THEMIS: variants seen among roughly 807,000 people sequenced by gnomAD.
The protein encoded by THEMIS is protein THEMIS.
Under a neutral mutation model 52.6 loss-of-function variants are expected in THEMIS, and 37 were observed. The observed-to-expected ratio is 0.70, with a 90% CI of 0.54 to 0.93. The LOEUF is 0.93. Among genes scored for constraint, THEMIS ranks in the 40% least tolerant of loss-of-function variants. The probability of loss-of-function intolerance (pLI) is 0.00; values close to 1 mark genes in which losing one functional copy is unlikely to be tolerated. For synonymous variants in THEMIS, 292 were observed against 272.7 expected (o/e 1.07, Z -0.70); for missense variants, 808 against 763.1 (o/e 1.06, Z -0.69).
At chr6:127,793,415 G>C (rs1562261412) in intron 4 of THEMIS, among the ~76,000 whole-genome samples, 1 of 152,194 alleles carries the variant, frequency 6.6e-6, no homozygotes, top group Non-Finnish European at 1.5e-5. Context: ...ATTCTGAACA[G>C]AGGCAGTTCC....
At chr6:127,907,336 G>GTTTTT (rs1444629822) in intron 1 of THEMIS, among the ~76,000 whole-genome samples, 4 of 28,614 alleles carry the variant, frequency 1.4e-4, no homozygotes, top group East Asian at 2.0e-3. Flanking sequence ...ATTAGGCTCG[G>GTTTTT]ATTTTTTTTT....
At chr6:127,906,906 T>C (rs1014411670) in intron 1 of THEMIS, among the ~76,000 whole-genome samples, 7 of 151,786 alleles carry the variant, frequency 4.6e-5, no homozygotes, top group East Asian at 1.9e-4. Flanking sequence ...AGATTCTCTA[T>C]AGCTGCTTTC....
At chr6:127,881,831 C>T (rs184768158) in intron 1 of THEMIS, among the ~76,000 whole-genome samples, 1 of 151,866 alleles carries the variant, frequency 6.6e-6, no homozygotes, top group East Asian at 1.9e-4. Context: ...ATGCACTAAA[C>T]TTTTAAACTT....
At chr6:127,771,277 T>C (rs375337092) in intron 4 of THEMIS, among the ~76,000 whole-genome samples, 4 of 152,048 alleles carry the variant, frequency 2.6e-5, no homozygotes, top group African/African-American at 4.8e-5. Flanking sequence ...CACAAACAAA[T>C]GGAAGAACAT....
chr6:127,908,944 T>C (rs1781344737), intron 1 of THEMIS, among the ~76,000 whole-genome samples: 1 of 151,998 alleles, frequency 6.6e-6, no homozygotes, highest in Non-Finnish European at 1.5e-5. Flanking sequence ...TTAAAACATT[T>C]AAAATAGTTA....
At chr6:127,766,892 G>A (rs75970629) in intron 4 of THEMIS, among the ~76,000 whole-genome samples, 2,622 of 152,114 alleles carry the variant, frequency 0.017, 83 homozygotes, top group African/African-American at 0.06. Context: ...GGACATTACC[G>A]TATTCTACTG....
At chr6:127,750,509 G>A (rs1775603470) in intron 4 of THEMIS, among the ~76,000 whole-genome samples, 1 of 151,740 alleles carries the variant, frequency 6.6e-6, no homozygotes, top group African/African-American at 2.4e-5. Context: ...TTGAAGCCAG[G>A]AAGTCAATGC....
At chr6:127,862,428 A>AGTTTTTTTTTTTTTTTTTTT (rs1779833769) in intron 1 of THEMIS, among the ~76,000 whole-genome samples, 1 of 72,808 alleles carries the variant, frequency 1.4e-5, no homozygotes, top group Admixed American at 1.7e-4. Context: ...TAGGGAGTAA[A>AGTTTTTTTTTTTTTTTTTTT]TTTTTTTTTT....
intron 1 of THEMIS, among the ~76,000 whole-genome samples, chr6:127,899,553 A>G (rs1387258221): frequency 6.6e-6 from 1 of 152,000 alleles, no homozygotes; most frequent in East Asian, 1.9e-4. Flanking sequence ...TGAACTGTAT[A>G]GAGAAAACTA....
At chr6:127,755,162 G>A (rs1775779713) in intron 4 of THEMIS, among the ~76,000 whole-genome samples, 1 of 152,104 alleles carries the variant, frequency 6.6e-6, no homozygotes, top group Admixed American at 6.6e-5. Context: ...ATAATATAAT[G>A]CTCTTGCACT....
At chr6:127,803,431 A>G (rs1777601566) in intron 4 of THEMIS, among the ~76,000 whole-genome samples, 1 of 152,084 alleles carries the variant, frequency 6.6e-6, no homozygotes, top group Non-Finnish European at 1.5e-5. Context: ...GCTTATTATT[A>G]AAGTGTTCAT....
At chr6:127,732,101 C>G (rs1774830671) in intron 4 of THEMIS, among the ~76,000 whole-genome samples, 1 of 150,856 alleles carries the variant, frequency 6.6e-6, no homozygotes, top group Non-Finnish European at 1.5e-5. Flanking sequence ...TTATACAGTG[C>G]TGAAAAACTA....
the THEMIS span, among the ~76,000 whole-genome samples, chr6:127,701,619 A>G: frequency 2.0e-5 from 3 of 152,164 alleles, no homozygotes; most frequent in Admixed American, 2.0e-4. Context: ...AGTGCCAAAC[A>G]GTTTTCCAAA....
chr6:127,744,764 C>T (rs765353559), intron 4 of THEMIS, among the ~76,000 whole-genome samples: 5 of 151,696 alleles, frequency 3.3e-5, no homozygotes, highest in African/African-American at 4.8e-5. Flanking sequence ...CAATATAGTG[C>T]CTGTGGTTAA....
At chr6:127,877,943 G>C (rs1224053768) in intron 1 of THEMIS, among the ~76,000 whole-genome samples, 3 of 152,166 alleles carry the variant, frequency 2.0e-5, no homozygotes, top group African/African-American at 7.2e-5. Context: ...ACAGGGAAAG[G>C]ATCAGGAAAA....
At chr6:127,757,028 A>C (rs1775850137) in intron 4 of THEMIS, among the ~76,000 whole-genome samples, 1 of 152,224 alleles carries the variant, frequency 6.6e-6, no homozygotes, top group African/African-American at 2.4e-5. Context: ...TCCATAATAA[A>C]GTTTTTCAGT....
intron 4 of THEMIS, 126 bp downstream of exon 4, chr6:127,812,757 A>T: frequency 1.1e-6 from 1 of 944,168 alleles, no homozygotes; most frequent in Non-Finnish European, 1.6e-6. Flanking sequence ...ACTGCACATC[A>T]GAAAAGCTCA....
chr6:127,731,864 A>ATATTTTTTT (rs1774813347), intron 4 of THEMIS, among the ~76,000 whole-genome samples: 2 of 41,716 alleles, frequency 4.8e-5, no homozygotes, highest in South Asian at 3.4e-3. Flanking sequence ...TGCCCGGCTA[A>ATATTTTTTT]TTTTTTTTTT....
At chr6:127,804,214 G>C (rs1165860100) in intron 4 of THEMIS, among the ~76,000 whole-genome samples, 1 of 152,032 alleles carries the variant, frequency 6.6e-6, no homozygotes, top group Non-Finnish European at 1.5e-5. Flanking sequence ...AACCACTACA[G>C]TATAAAGAAA....
Sources: allele counts gnomAD v4.1 joint callset (sites outside exome capture counted in the v4.1 genomes callset), GRCh38; gene constraint gnomAD v4.1.1; transcripts MANE v1.5; gene names NCBI Gene and HGNC (gene_info 2026-07-23, HGNC 2026-07-21).